Variants in WAC observed in about 807,000 individuals in gnomAD.
WAC encodes the protein WW domain containing adaptor with coiled-coil.
WAC carries 11 observed loss-of-function variants against 79.6 expected under a neutral mutation model. The ratio of observed to expected loss-of-function variants is 0.14; its 90% CI spans 0.09 to 0.23. WAC has a LOEUF of 0.23. WAC is among the 10% of genes least tolerant of loss of function. The pLI is 1.00. For synonymous variants in WAC, 304 were observed against 276.9 expected (o/e 1.10, Z -0.97); for missense variants, 728 against 773.5 (o/e 0.94, Z 0.70).
intron 3 of WAC, among the ~76,000 whole-genome samples, chr10:28,578,047 T>C (rs1398685544): frequency 6.6e-6 from 1 of 152,118 alleles, no homozygotes; most frequent in East Asian, 1.9e-4. Context: ...TAGTGCCAGC[T>C]ACTTGGGAGG....
At chr10:28,590,491 C>T (rs908477889) in intron 5 of WAC, among the ~76,000 whole-genome samples, 33 of 152,072 alleles carry the variant, frequency 2.2e-4, no homozygotes, top group African/African-American at 8.0e-4. Context: ...AATTGCTGAG[C>T]TTTGGTTATG....
chr10:28,567,503 C>G (rs903035621), intron 3 of WAC, among the ~76,000 whole-genome samples: 1 of 152,102 alleles, frequency 6.6e-6, no homozygotes, highest in Non-Finnish European at 1.5e-5. Context: ...TATATTTACT[C>G]TGAAGGTTTA....
At chr10:28,578,186 AT>A (rs1337579602) in intron 3 of WAC, among the ~76,000 whole-genome samples, 5 of 152,104 alleles carry the variant, frequency 3.3e-5, no homozygotes, top group African/African-American at 1.2e-4. Flanking sequence ...AAATTTAAAA[AT>A]TACTGTGAAT....
At chr10:28,541,307 A>G (rs1350194295) in intron 3 of WAC, among the ~76,000 whole-genome samples, 2 of 151,618 alleles carry the variant, frequency 1.3e-5, no homozygotes, top group African/African-American at 4.9e-5. Context: ...GGAAAGAGTG[A>G]AGATGGAAAT....
chr10:28,604,281 A>G (rs1263209143), intron 7 of WAC, among the ~76,000 whole-genome samples: 1 of 150,842 alleles, frequency 6.6e-6, no homozygotes, highest in East Asian at 2.0e-4. Flanking sequence ...TTTTGAGGCC[A>G]ATCAAGATGA....
rs750744271 is a variant in WAC at position 28,610,783 on chromosome 10, C to T, written c.1250C>T (p.Thr417Met). The change falls in exon 9 of 14, where the codon ACG becomes ATG. Residue 417 changes from threonine to methionine, a missense_variant. Transcript: ENST00000354911. ...LTAGPSAFNI[T>M]SLISQAAQLS... ...GCTGGACCATCTGCTTTCAACATAA[C>T]GTCTCTGATTTCTCAAGCTGCTCAG... 4 of 1,612,096 alleles carry T rather than the reference C, an allele frequency of 2.5e-6. No individual in the cohort carries two copies. Among genetic ancestry groups the T allele is most frequent in the Non-Finnish European group, 3.4e-6 (4 of 1,179,484 alleles).
At position 28,541,415 on chromosome 10, in the gene WAC, GTTTTGTTTTT is replaced by G. The variant is rs1195859915; in HGVS notation, c.274+5663_274+5672del. ...TTTTTGTGGGGTTGTGTGTGTGTGTGTTTTGTTTTTTTTTTTTTTTTTTTTTTTTTTAAGA... is the reference window on the plus strand; with the variant it reads ...TTTTTGTGGGGTTGTGTGTGTGTGTGTTTTTTTTTTTTTTTTTTTTTAAGA... On this transcript the variant is annotated intron_variant, in intron 3 of 13. Transcript: ENST00000354911. Among the ~76,000 whole-genome samples, 19 of 37,904 alleles carry G rather than the reference GTTTTGTTTTT, an allele frequency of 5.0e-4. 1 individual carries two copies. Among genetic ancestry groups the G allele is most frequent in the East Asian group, 9.9e-4 (1 of 1,014 alleles). The allele number at this position is 37,904 out of a possible 152,430, so 24.9% of individuals were successfully genotyped here.
At chr10:28,578,207 T>G (rs1015415953) in intron 3 of WAC, among the ~76,000 whole-genome samples, 6 of 152,102 alleles carry the variant, frequency 3.9e-5, no homozygotes, top group African/African-American at 9.7e-5. Context: ...TTAGAATCTC[T>G]GAGAAAGACA....
chr10:28,538,288 CA>C, intron 3 of WAC: 5 of 322,960 alleles, frequency 1.5e-5, no homozygotes, highest in East Asian at 1.2e-4. Flanking sequence ...GATTTTTATC[CA>C]AAAATGAATT....
chr10:28,556,474 T>C (rs1017798752), intron 3 of WAC, among the ~76,000 whole-genome samples: 38 of 140,448 alleles, frequency 2.7e-4, no homozygotes, highest in African/African-American at 9.3e-4. Context: ...ATCACAAATA[T>C]GGTTTGCAAA....
At chr10:28,557,146 A>G (rs1838043451) in intron 3 of WAC, among the ~76,000 whole-genome samples, 1 of 151,822 alleles carries the variant, frequency 6.6e-6, no homozygotes, top group Non-Finnish European at 1.5e-5. Context: ...GCCTTTTTCT[A>G]ATAACAACTG....
At chr10:28,584,438 TAAG>T (rs1422452794) in intron 4 of WAC, among the ~76,000 whole-genome samples, 4 of 152,310 alleles carry the variant, frequency 2.6e-5, no homozygotes, top group Middle Eastern at 3.4e-3. Context: ...AGGCATATCA[TAAG>T]AAGCTCTATG....
At chr10:28,614,797 C>T (rs1253023058) in intron 11 of WAC, 112 bp downstream of exon 11, 5 of 885,282 alleles carry the variant, frequency 5.6e-6, no homozygotes, top group Non-Finnish European at 8.7e-6. Context: ...TCCATGAATA[C>T]CCTAAAGTAG....
chr10:28,589,649 T>C, intron 4 of WAC, 87 bp from the exon 5 acceptor site: 1 of 818,344 alleles, frequency 1.2e-6, no homozygotes, highest in Non-Finnish European at 1.9e-6. Flanking sequence ...CATAAGTGTT[T>C]TCCTGTATGT....
At chr10:28,553,466 AT>A (rs959027722) in intron 3 of WAC, among the ~76,000 whole-genome samples, 34 of 152,232 alleles carry the variant, frequency 2.2e-4, no homozygotes, top group Admixed American at 1.3e-4. Flanking sequence ...GGTGGGTTTA[AT>A]TTTTTTAATG....
intron 4 of WAC, chr10:28,589,233 A>G (rs1839973717): frequency 6.6e-6 from 1 of 152,322 alleles, no homozygotes; most frequent in South Asian, 2.1e-4. Context: ...ACAAACTTAC[A>G]GCTTTTAATT....
At position 28,572,337 on chromosome 10, in the gene WAC, C is replaced by CAAAA. The variant is rs535940157; in HGVS notation, c.275-11048_275-11045dup. Among the ~76,000 whole-genome samples, 3 of 86,836 alleles carry CAAAA rather than the reference C, an allele frequency of 3.5e-5. No homozygotes were observed. The South Asian group carries it at 1.1e-3, about 33-fold the overall frequency. 57.0% of individuals were successfully genotyped at this position (86,836 alleles called of 152,430 possible). The stretch of plus-strand genomic sequence containing the variant: ...GGGCAACAGAGTGAGACTCTGTCTC[C>CAAAA]AAAAAAAAAAAAAAAAAGCCATTAA... On this transcript the variant is annotated intron_variant, in intron 3 of 13. Coordinates refer to ENST00000354911, the MANE Select transcript of WAC (RefSeq NM_016628.5).
chr10:28,600,885 G>A (rs1236604558), intron 7 of WAC, among the ~76,000 whole-genome samples: 2 of 151,644 alleles, frequency 1.3e-5, no homozygotes, highest in East Asian at 1.9e-4. Flanking sequence ...ATAGAACAGT[G>A]GACAATCCAA....
rs1020077456 is a variant in WAC, at chr10:28,595,660, G to A, written c.611-73G>A. The A allele has an allele frequency of 1.3e-5, 18 of 1,420,650 alleles. No homozygotes were observed. The African/African-American group carries it at 2.4e-4, about 19-fold the overall frequency. The allele number at this position is 1,420,650 out of a possible 1,614,324, so 88.0% of individuals were successfully genotyped here. On this transcript the variant is annotated intron_variant, in intron 6 of 13. Coordinates refer to ENST00000354911, the MANE Select transcript of WAC (RefSeq NM_016628.5). ...GCTAAATTAGCTGATGTTAAAGGTAGGATTCTAATGTAATCTTTTTTCTTC... is the reference window on the plus strand; with the variant it reads ...GCTAAATTAGCTGATGTTAAAGGTAAGATTCTAATGTAATCTTTTTTCTTC...
Sources: gnomAD v4.1 joint callset for allele counts (sites outside exome capture counted in the v4.1 genomes callset) on GRCh38, gnomAD v4.1.1 for gene constraint, MANE v1.5 for transcripts, NCBI Gene and HGNC (gene_info 2026-07-23, HGNC 2026-07-21) for gene names.